Variants in EGFR observed in about 807,000 individuals in gnomAD.
EGFR encodes the protein epidermal growth factor receptor.
A neutral mutation model predicts 143.0 loss-of-function variants in EGFR; 58 were observed. That is an observed-to-expected ratio of 0.41 (90% CI 0.33 to 0.50). The LOEUF is 0.50. EGFR is among the 20% of genes least tolerant of loss of function. The pLI, the probability that EGFR is intolerant of heterozygous loss-of-function variation, is 0.39. For missense variants in EGFR, 1,307 were observed against 1,579.0 expected (o/e 0.83, Z 2.92); for synonymous variants, 613 against 594.4 (o/e 1.03, Z -0.45).
At chr7:55,131,099 T>C (rs2128920028) in intron 1 of EGFR, among the ~76,000 whole-genome samples, 1 of 152,290 alleles carries the variant, frequency 6.6e-6, no homozygotes, top group African/African-American at 2.4e-5. Flanking sequence ...CACAGGTACA[T>C]GAGTCCTTGT....
chr7:55,148,962 T>C (rs1337405818), intron 4 of EGFR, among the ~76,000 whole-genome samples: 2 of 152,174 alleles, frequency 1.3e-5, no homozygotes, highest in East Asian at 3.8e-4. Flanking sequence ...TATGTTGAAG[T>C]TGGGCATTAG....
chr7:55,169,718 C>T (rs905259652), intron 15 of EGFR, among the ~76,000 whole-genome samples: 2 of 152,152 alleles, frequency 1.3e-5, no homozygotes, highest in Middle Eastern at 3.2e-3. Flanking sequence ...CGCCTTCTGA[C>T]GCTCTCACAT....
At chr7:55,119,518 A>G (rs986638182) in intron 1 of EGFR, 1 of 152,222 alleles carries the variant, frequency 6.6e-6, no homozygotes, top group African/African-American at 2.4e-5. Context: ...CTCACTGTGT[A>G]TCTTCTCCTG....
intron 1 of EGFR, among the ~76,000 whole-genome samples, chr7:55,092,232 T>C (rs1287090675): frequency 1.3e-5 from 2 of 152,254 alleles, no homozygotes; most frequent in East Asian, 3.9e-4. Flanking sequence ...GGCCCTCCCT[T>C]CCTTTTGCAT....
At chr7:55,059,846 A>T (rs1200297030) in intron 1 of EGFR, among the ~76,000 whole-genome samples, 1 of 152,212 alleles carries the variant, frequency 6.6e-6, no homozygotes, top group Non-Finnish European at 1.5e-5. Flanking sequence ...TCCTTATAAG[A>T]AAGCAGTCAT....
chr7:55,195,087 G>A (rs1459577564), intron 22 of EGFR, among the ~76,000 whole-genome samples: 3 of 152,144 alleles, frequency 2.0e-5, no homozygotes, highest in African/African-American at 7.2e-5. Context: ...CTAATAACCT[G>A]TCTTCCCACT....
chr7:55,154,517 T>C (rs933422633), intron 7 of EGFR, among the ~76,000 whole-genome samples: 1 of 152,264 alleles, frequency 6.6e-6, no homozygotes. Context: ...TGCCACTGTT[T>C]AGTGCTTGTG....
At chr7:55,170,635 TTTCC>T in intron 15 of EGFR, 1 of 1,600,780 alleles carries the variant, frequency 6.2e-7, no homozygotes, top group Non-Finnish European at 8.5e-7. Context: ...ATCCTACCCA[TTTCC>T]TTCCTTCCAC....
chr7:55,168,374 G>T, intron 15 of EGFR: 1 of 677,130 alleles, frequency 1.5e-6, no homozygotes, highest in East Asian at 2.7e-5. Context: ...GCTTAGGGGA[G>T]GTCCAGAAAG....
Position 55,142,269 on chromosome 7 carries a change from C to A in EGFR, c.89-17C>A, listed in dbSNP as rs755631314. 3 of 1,614,110 alleles carry A rather than the reference C, an allele frequency of 1.9e-6. No homozygotes were observed. The East Asian group carries it at 6.7e-5, about 36-fold the overall frequency. ...CATTTCTCAGTATTTCATGTGATATCTGTCTTTTTCTTCCAGTTTGCCAAG... is the reference window on the plus strand; with the variant it reads ...CATTTCTCAGTATTTCATGTGATATATGTCTTTTTCTTCCAGTTTGCCAAG... On this transcript the variant is annotated splice_polypyrimidine_tract_variant and intron_variant, in intron 1 of 27. Coordinates refer to ENST00000275493, the MANE Select transcript of EGFR (RefSeq NM_005228.5).
At chr7:55,128,254 C>T (rs10488142) in intron 1 of EGFR, among the ~76,000 whole-genome samples, 14,641 of 152,210 alleles carry the variant, frequency 0.096, 1,021 homozygotes, top group East Asian at 0.29. Flanking sequence ...TGTCCCTTTG[C>T]GGTTCATTTC....
intron 1 of EGFR, among the ~76,000 whole-genome samples, chr7:55,034,556 T>A (rs1787448453): frequency 6.6e-6 from 1 of 152,202 alleles, no homozygotes; most frequent in Non-Finnish European, 1.5e-5. Context: ...TGTGACTGTC[T>A]TCTGAGGTCC....
In EGFR at chr7:55,173,968, C is replaced by G. The variant is rs746027140; in HGVS notation, c.2109C>G (p.Leu703=). Reference sequence around the variant, plus strand: ...GTGGAGAAGCTCCCAACCAAGCTCTCTTGAGGATCTTGAAGGAAACTGAAT... The same window carrying G: ...GTGGAGAAGCTCCCAACCAAGCTCTGTTGAGGATCTTGAAGGAAACTGAAT... ...TPSGEAPNQA[L]LRILKETEFK... The change falls in exon 18 of 28, where the codon CTC becomes CTG. Residue 703 remains leucine (L), a synonymous_variant. Coordinates refer to ENST00000275493, the MANE Select transcript of EGFR (RefSeq NM_005228.5). The G allele has an allele frequency of 1.9e-6, 3 of 1,614,252 alleles. No individual in the cohort carries two copies. The South Asian group carries it at 3.3e-5, about 18-fold the overall frequency.
At chr7:55,066,045 C>T (rs896344192) in intron 1 of EGFR, among the ~76,000 whole-genome samples, 6 of 152,100 alleles carry the variant, frequency 3.9e-5, no homozygotes, top group East Asian at 1.9e-4. Flanking sequence ...GCAGTGACTA[C>T]GTGATGAAAG....
intron 1 of EGFR, among the ~76,000 whole-genome samples, chr7:55,073,671 A>G (rs1789966972): frequency 6.6e-6 from 1 of 152,232 alleles, no homozygotes. Flanking sequence ...CCCATGAGGA[A>G]ACCAAGGAAC....
Position 55,181,447 on chromosome 7 carries a change from A to G in EGFR, c.2438A>G (p.Tyr813Cys). The change falls in exon 20 of 28, where the codon TAC (tyrosine) becomes TGC (cysteine). Residue 813 changes from tyrosine to cysteine, a missense_variant. Tyr to Cys is a radical substitution (Grantham distance 194). Coordinates refer to ENST00000275493, the MANE Select transcript of EGFR (RefSeq NM_005228.5). ...REHKDNIGSQ[Y>C]LLNWCVQIAK... is the part of the protein sequence containing the mutation. ...CACAAAGACAATATTGGCTCCCAGT[A>G]CCTGCTCAACTGGTGTGTGCAGATC... 6.2e-7 allele frequency: 1 copy of G among 1,614,204 alleles called. No individual in the cohort carries two copies. Among genetic ancestry groups the G allele is most frequent in the African/African-American group, 1.3e-5 (1 of 75,060 alleles).
At chr7:55,034,043 G>A (rs1245211340) in intron 1 of EGFR, among the ~76,000 whole-genome samples, 2 of 152,068 alleles carry the variant, frequency 1.3e-5, no homozygotes, top group South Asian at 2.1e-4. Flanking sequence ...GGCAATGATG[G>A]CCATGCACAC....
intron 6 of EGFR, 47 bp downstream of exon 6, chr7:55,152,711 C>T (rs540647354): frequency 2.0e-6 from 3 of 1,504,576 alleles, no homozygotes; most frequent in East Asian, 4.5e-5. Context: ...TGGGGCTGCA[C>T]CCGCCCCACC....
At chr7:55,086,995 A>T (rs2302535) in intron 1 of EGFR, among the ~76,000 whole-genome samples, 1 of 151,886 alleles carries the variant, frequency 6.6e-6, no homozygotes, top group Non-Finnish European at 1.5e-5. Context: ...TTTCAGGGTC[A>T]TTCAGGAAGT....
Sources: gnomAD v4.1 joint callset for allele counts (sites outside exome capture counted in the v4.1 genomes callset) on GRCh38, gnomAD v4.1.1 for gene constraint, MANE v1.5 for transcripts, NCBI Gene and HGNC (gene_info 2026-07-23, HGNC 2026-07-21) for gene names.